JPT2: variants seen among roughly 807,000 people sequenced by gnomAD.
JPT2 encodes the protein CRAMP_1 like.
JPT2 carries 9 observed loss-of-function variants against 15.9 expected under a neutral mutation model. The ratio of observed to expected loss-of-function variants is 0.57; its 90% CI spans 0.34 to 0.99. The LOEUF (loss-of-function observed/expected upper bound fraction) is 0.99, where lower values mean the gene tolerates loss of function less well. JPT2 is among the 50% of genes least tolerant of loss of function. JPT2 has a pLI of 0.02. For missense variants in JPT2, 267 were observed against 252.1 expected (o/e 1.06, Z -0.40); for synonymous variants, 95 against 91.7 (o/e 1.04, Z -0.21).
intron 2 of JPT2, among the ~76,000 whole-genome samples, chr16:1,688,007 T>C (rs898585455): frequency 6.6e-6 from 1 of 152,272 alleles, no homozygotes; most frequent in African/African-American, 2.4e-5. Flanking sequence ...TCAGTGAATC[T>C]TCAGTAGTCT....
intron 1 of JPT2, among the ~76,000 whole-genome samples, chr16:1,682,076 A>C (rs1444998830): frequency 1.3e-5 from 2 of 152,194 alleles, no homozygotes; most frequent in Admixed American, 6.5e-5. Flanking sequence ...TACACTATCC[A>C]AGAAAAATCG....
At chr16:1,684,346 T>G (rs762670110) in intron 1 of JPT2, among the ~76,000 whole-genome samples, 1 of 152,232 alleles carries the variant, frequency 6.6e-6, no homozygotes. Context: ...CCAGTTGTTA[T>G]GAATTCAGCG....
intron 1 of JPT2, among the ~76,000 whole-genome samples, chr16:1,684,552 C>T (rs908126030): frequency 6.6e-6 from 1 of 152,006 alleles, no homozygotes; most frequent in African/African-American, 2.4e-5. Flanking sequence ...ACCAACCTGA[C>T]CAACATGGCG....
intron 2 of JPT2, chr16:1,690,127 C>T (rs903725013): frequency 6.6e-6 from 1 of 152,236 alleles, no homozygotes; most frequent in Non-Finnish European, 1.5e-5. Context: ...CTCTGGGCCC[C>T]TAGAACTGGT....
chr16:1,679,234 C>T lies in JPT2; in HGVS notation c.44+878C>T, dbSNP rs190218303. On this transcript the variant is annotated intron_variant, in intron 1 of 4. Transcript: ENST00000248098. ...CCTGAGGTTTTCTGTATGATGAGCCCCTCTGTGGCACAGCCTCGCCAGAGA... is the reference window on the plus strand; with the variant it reads ...CCTGAGGTTTTCTGTATGATGAGCCTCTCTGTGGCACAGCCTCGCCAGAGA... Among the ~76,000 whole-genome samples the T allele has an allele frequency of 2.4e-3, 366 of 152,240 alleles. 1 individual carries two copies. Among genetic ancestry groups the T allele is most frequent in the African/African-American group, 8.2e-3 (341 of 41,526 alleles).
chr16:1,681,273 C>T (rs1359149895), intron 1 of JPT2, among the ~76,000 whole-genome samples: 6 of 152,190 alleles, frequency 3.9e-5, no homozygotes, highest in Non-Finnish European at 5.9e-5. Context: ...CCCAGCCCTG[C>T]GGTCTGTGTG....
chr16:1,697,926 C>T (rs1158183000), intron 4 of JPT2, 66 bp downstream of exon 4: 9 of 1,425,896 alleles, frequency 6.3e-6, no homozygotes, highest in African/African-American at 4.3e-5. Flanking sequence ...TTGCTAGTCT[C>T]TCCTCTGGGA....
intron 3 of JPT2, among the ~76,000 whole-genome samples, chr16:1,693,505 T>G (rs1232974762): frequency 6.6e-6 from 1 of 152,088 alleles, no homozygotes; most frequent in Non-Finnish European, 1.5e-5. Flanking sequence ...AGTCAGCAAT[T>G]CCTCTACTAC....
downstream of JPT2, chr16:1,702,417 G>T (rs1009937518): frequency 1.6e-5 from 5 of 310,732 alleles, no homozygotes; most frequent in Non-Finnish European, 3.3e-5. Flanking sequence ...GGGAGTCACA[G>T]CTCCTCCGTC....
At chr16:1,702,672 T>TAATCCTGACCATCTTGAAG (rs2037187125), downstream of JPT2, among the ~76,000 whole-genome samples, 1 of 152,182 alleles carries the variant, frequency 6.6e-6, no homozygotes, top group African/African-American at 2.4e-5. Flanking sequence ...TCTGCACTCA[T>TAATCCTGACCATCTTGAAG]AATCCTGACC....
At chr16:1,678,463 G>A in intron 1 of JPT2, 107 bp downstream of exon 1, 1 of 1,081,632 alleles carries the variant, frequency 9.2e-7, no homozygotes. Flanking sequence ...GGGGTTGGGG[G>A]GCAGGGCGAC....
chr16:1,698,465 C>T lies in JPT2; in HGVS notation c.386-346C>T, dbSNP rs986080260. On this transcript the variant is annotated intron_variant, in intron 4 of 4. Transcript: ENST00000248098. This position sits in a 1 kb window ranked among gnomAD's most constrained non-coding sequence, Gnocchi z 4.9. ...AGCCCTCACCTAGGATGCATTCCCT[C>T]GCCGCCTCATGGTCACTCTCAGGGG... Among the ~76,000 whole-genome samples the T allele has an allele frequency of 5.9e-5, 9 of 152,168 alleles. No homozygotes were observed. The highest frequency in any genetic ancestry group is 1.3e-4 in the Admixed American group (2 of 15,278).
rs746456516 is a variant in JPT2 at position 1,698,904 on chromosome 16, T to A, written c.479T>A (p.Val160Asp). The change falls in exon 5 of 5, where the codon GTC becomes GAC. Residue 160 changes from valine to aspartate, a missense_variant. Coordinates refer to ENST00000248098, the MANE Select transcript of JPT2 (RefSeq NM_144570.3). This position sits in a 1 kb window ranked among gnomAD's most constrained non-coding sequence, Gnocchi z 4.9. ...AAGGAGCAGGAGCCCATGCCCACAG[T>A]CGACAGCCATGAGCCCCGGCTGGGG... ...PAKEQEPMPT[V>D]DSHEPRLGPR... 1 of 1,614,198 alleles carries A rather than the reference T, an allele frequency of 6.2e-7. No individual in the cohort carries two copies. The highest frequency in any genetic ancestry group is 8.5e-7 in the Non-Finnish European group (1 of 1,180,030).
intron 1 of JPT2, among the ~76,000 whole-genome samples, chr16:1,680,126 G>T (rs1596503743): frequency 6.6e-6 from 1 of 152,228 alleles, no homozygotes; most frequent in East Asian, 1.9e-4. Context: ...GTGGGACCAG[G>T]AGTTTAAACT....
chr16:1,680,963 G>T (rs2037018035), intron 1 of JPT2, among the ~76,000 whole-genome samples: 1 of 152,198 alleles, frequency 6.6e-6, no homozygotes, highest in South Asian at 2.1e-4. Context: ...CACTCCAGCT[G>T]TGTGAGGTTT....
chr16:1,680,350 C>A, intron 1 of JPT2: 1 of 1,002,386 alleles, frequency 1.0e-6, no homozygotes, highest in Non-Finnish European at 1.2e-6. Flanking sequence ...TTGACTTTCA[C>A]GCTCCAGAAG....
intron 3 of JPT2, among the ~76,000 whole-genome samples, chr16:1,694,162 T>A (rs1222673311): frequency 2.0e-5 from 3 of 152,242 alleles, no homozygotes; most frequent in Non-Finnish European, 4.4e-5. Flanking sequence ...AGAATATCAC[T>A]GTTTTATAAA....
In JPT2 at chr16:1,691,857, G is replaced by T; in HGVS notation, c.208G>T (p.Gly70Cys). 1 of 1,613,788 alleles carries T rather than the reference G, an allele frequency of 6.2e-7. No homozygotes were observed. The highest frequency in any genetic ancestry group is 8.5e-7 in the Non-Finnish European group (1 of 1,179,968). The part of the protein sequence containing the change: ...RTNPPGGKGS[G>C]IFDESTPVQT... ...CGTTTCTGCAGGGGGTAAAGGAAGT[G>T]GTATCTTTGACGAATCAACCCCCGT... Residue 70 changes from glycine to cysteine, a missense_variant, in exon 3 of 5, where the codon GGT becomes TGT. Gly to Cys is a radical substitution (Grantham distance 159). Transcript: ENST00000248098.
intron 2 of JPT2, chr16:1,689,991 G>A (rs541034653): frequency 2.0e-5 from 3 of 152,330 alleles, no homozygotes; most frequent in South Asian, 4.1e-4. Flanking sequence ...TGTGAAAAAT[G>A]TACACATTTC....
Sources: gnomAD v4.1 joint callset for allele counts (sites outside exome capture counted in the v4.1 genomes callset) on GRCh38, gnomAD v4.1.1 for gene constraint, Gnocchi (gnomAD v3.1) non-coding constraint, MANE v1.5 for transcripts, NCBI Gene and HGNC (gene_info 2026-07-23, HGNC 2026-07-21) for gene names.